GPHN: variants seen among roughly 807,000 people sequenced by gnomAD.
GPHN encodes gephyrin.
In GPHN, 17 loss-of-function variants were observed where a neutral mutation model predicts 95.5. That is an observed-to-expected ratio of 0.18 (90% confidence interval 0.12 to 0.27). The LOEUF is 0.27. Ranked by LOEUF, GPHN falls within the 10% of genes least tolerant of loss-of-function variation. The pLI, the probability that GPHN is intolerant of heterozygous loss-of-function variation, is 1.00. For missense variants in GPHN, 660 were observed against 978.1 expected, an observed-to-expected ratio of 0.67 and a Z score of 4.34; for synonymous variants, 320 against 322.5, an observed-to-expected ratio of 0.99 and a Z score of 0.08.
At chr14:67,391,479 G>A in the GPHN span, among the ~76,000 whole-genome samples, 5 of 152,122 alleles carry the variant, frequency 3.3e-5, no homozygotes, top group Non-Finnish European at 5.9e-5. Context: ...GGGCCTTGGT[G>A]TAGACAGGCA....
chr14:67,461,328 G>A, the GPHN span, among the ~76,000 whole-genome samples: 3 of 152,154 alleles, frequency 2.0e-5, no homozygotes, highest in African/African-American at 7.2e-5. Flanking sequence ...GCCCACTTGA[G>A]TCAGGAACCT....
chr14:66,649,796 A>G (rs923081106), intron 1 of GPHN, among the ~76,000 whole-genome samples: 11 of 152,318 alleles, frequency 7.2e-5, no homozygotes, highest in African/African-American at 2.6e-4. Flanking sequence ...TCTGACGTCA[A>G]GCTTTATAGT....
At position 66,961,008 on chromosome 14, in the gene GPHN, A is replaced by G. The variant is rs76208760; in HGVS notation, c.829-4183A>G. ...ACATTACCCAATGAATAGCTGCCTC[A>G]ACCCTGGGAATATTCTGAGTTAAGT... On this transcript the variant is annotated intron_variant, in intron 8 of 22. Transcript: ENST00000478722. Among the ~76,000 whole-genome samples the G allele has an allele frequency of 5.8e-4, 89 of 152,210 alleles. 3 individuals carry two copies. Among genetic ancestry groups the G allele is most frequent in the African/African-American group, 2.1e-3 (87 of 41,564 alleles).
At chr14:67,699,452 T>C in the GPHN span, among the ~76,000 whole-genome samples, 1,749 of 151,738 alleles carry the variant, frequency 0.012, 31 homozygotes, top group African/African-American at 0.035. Context: ...ATAGGCAGTG[T>C]ACTGGTGTGT....
chr14:67,034,509 A>G (rs2074328013), intron 10 of GPHN, among the ~76,000 whole-genome samples: 1 of 152,190 alleles, frequency 6.6e-6, no homozygotes, highest in African/African-American at 2.4e-5. Flanking sequence ...TAATGGATTA[A>G]AGAAACAAGA....
chr14:67,594,200 T>A, the GPHN span, among the ~76,000 whole-genome samples: 3 of 152,182 alleles, frequency 2.0e-5, no homozygotes, highest in African/African-American at 7.2e-5. Context: ...AGGGCCTAAA[T>A]CAGCTGAACG....
At chr14:66,525,532 A>G (rs2058656951) in intron 1 of GPHN, among the ~76,000 whole-genome samples, 1 of 152,064 alleles carries the variant, frequency 6.6e-6, no homozygotes, top group South Asian at 2.1e-4. Flanking sequence ...TTTTGTTGCC[A>G]TTGCTTTTGG....
intron 1 of GPHN, among the ~76,000 whole-genome samples, chr14:66,648,262 GA>G (rs1463365129): frequency 6.6e-6 from 1 of 152,072 alleles, no homozygotes; most frequent in Non-Finnish European, 1.5e-5. Flanking sequence ...TTGAAAATAA[GA>G]AATAATGTTA....
At chr14:67,024,866 A>G (rs185694477) in intron 10 of GPHN, among the ~76,000 whole-genome samples, 8 of 152,122 alleles carry the variant, frequency 5.3e-5, no homozygotes, top group Non-Finnish European at 8.8e-5. Context: ...GTAAAAATTC[A>G]TGGGGTTTTT....
chr14:67,694,626 AGAT>A, the GPHN span, among the ~76,000 whole-genome samples: 2 of 152,058 alleles, frequency 1.3e-5, no homozygotes, highest in Admixed American at 6.6e-5. Flanking sequence ...AGTGAAAAAA[AGAT>A]AAAAAGCAGT....
At chr14:67,158,303 A>G (rs189640232) in intron 18 of GPHN, among the ~76,000 whole-genome samples, 289 of 145,620 alleles carry the variant, frequency 2.0e-3, no homozygotes, top group Admixed American at 4.1e-3. Flanking sequence ...GCAAAACTCC[A>G]TCTCAAAAAA....
intron 3 of GPHN, among the ~76,000 whole-genome samples, chr14:66,809,148 G>C (rs2060662443): frequency 6.6e-6 from 1 of 152,058 alleles, no homozygotes. Context: ...GGGATATACT[G>C]TTCTTATCAA....
At chr14:67,558,891 G>A in the GPHN span, among the ~76,000 whole-genome samples, 2 of 152,198 alleles carry the variant, frequency 1.3e-5, no homozygotes, top group East Asian at 3.8e-4. Context: ...CAGATAATAC[G>A]TAAATGAATG....
chr14:66,707,554 T>G (rs892671935), intron 2 of GPHN, among the ~76,000 whole-genome samples: 3 of 152,082 alleles, frequency 2.0e-5, no homozygotes, highest in Non-Finnish European at 4.4e-5. Flanking sequence ...CTCAGCAAAC[T>G]TAACGTGGGA....
At chr14:67,507,227 C>T in the GPHN span, among the ~76,000 whole-genome samples, 40 of 152,086 alleles carry the variant, frequency 2.6e-4, no homozygotes, top group African/African-American at 9.6e-4. Flanking sequence ...GGTGCAACTA[C>T]AGTCCTAGCT....
At chr14:67,431,555 TG>T in the GPHN span, among the ~76,000 whole-genome samples, 1 of 151,692 alleles carries the variant, frequency 6.6e-6, no homozygotes, top group African/African-American at 2.4e-5. Flanking sequence ...AGCCCAGTGT[TG>T]TGGCACACAT....
At chr14:66,534,991 C>T (rs545347712) in intron 1 of GPHN, among the ~76,000 whole-genome samples, 7 of 152,132 alleles carry the variant, frequency 4.6e-5, no homozygotes, top group African/African-American at 1.7e-4. Context: ...TGAACCTTAA[C>T]TTATCAAGTT....
chr14:66,616,854 T>C (rs1461952661), intron 1 of GPHN, among the ~76,000 whole-genome samples: 5 of 152,076 alleles, frequency 3.3e-5, no homozygotes, highest in African/African-American at 4.8e-5. Context: ...ATTACAAGCG[T>C]GTGCCACCAC....
At chr14:66,904,116 T>C (rs1420252622) in intron 5 of GPHN, among the ~76,000 whole-genome samples, 1 of 152,148 alleles carries the variant, frequency 6.6e-6, no homozygotes, top group Middle Eastern at 3.2e-3. Flanking sequence ...GGTGGGTTCG[T>C]GGTCTCGCTG....
Sources: gnomAD v4.1 joint callset for allele counts (sites outside exome capture counted in the v4.1 genomes callset) on GRCh38, gnomAD v4.1.1 for gene constraint, MANE v1.5 for transcripts, NCBI Gene and HGNC (gene_info 2026-07-23, HGNC 2026-07-21) for gene names.